METTL15: variants seen among roughly 807,000 people sequenced by gnomAD.
METTL15 encodes 12S rRNA N(4)-cytidine methyltransferase METTL15.
A neutral mutation model predicts 38.3 loss-of-function variants in METTL15; 34 were observed. The ratio of observed to expected loss-of-function variants is 0.89; its 90% CI spans 0.68 to 1.18. METTL15 has a LOEUF of 1.18. Among genes scored for constraint, METTL15 ranks in the 50% most tolerant of loss-of-function variants. METTL15 has a pLI of 0.00. For synonymous variants in METTL15, 162 were observed against 170.9 expected (o/e 0.95, Z 0.41); for missense variants, 438 against 498.4 (o/e 0.88, Z 1.15).
At chr11:28,478,908 A>G (rs1851370429) in intron 6 of METTL15, among the ~76,000 whole-genome samples, 1 of 123,498 alleles carries the variant, frequency 8.1e-6, no homozygotes, top group Non-Finnish European at 2.0e-5. Context: ...GAAGCAGAAA[A>G]CAACATGGCA....
chr11:28,113,304 A>T lies in METTL15; in HGVS notation c.-17-14A>T, dbSNP rs929889058. The T allele has an allele frequency of 1.6e-5, 24 of 1,467,938 alleles. No homozygotes were observed. Among genetic ancestry groups the T allele is most frequent in the African/African-American group, 2.9e-5 (2 of 69,890 alleles). The allele number at this position is 1,467,938 out of a possible 1,614,324, so 90.9% of individuals were successfully genotyped here. A position where few individuals can be genotyped will look rare whatever the true frequency, so the allele number is the denominator to read the frequency against. On this transcript the variant is annotated splice_polypyrimidine_tract_variant and intron_variant, in intron 2 of 6. Transcript: ENST00000407364. ...AAAAAAATCCAACAATCATATTTTAATTTTTTTTTCTAGATTTGTTTACCT... is the reference window on the plus strand; with the variant it reads ...AAAAAAATCCAACAATCATATTTTATTTTTTTTTTCTAGATTTGTTTACCT...
At chr11:28,418,067 T>C (rs1053560602) in intron 5 of METTL15, among the ~76,000 whole-genome samples, 5 of 152,126 alleles carry the variant, frequency 3.3e-5, no homozygotes, top group Non-Finnish European at 7.4e-5. Flanking sequence ...AGTTCTGGTA[T>C]CAAGTTTTCA....
At chr11:28,419,681 G>A (rs1850803615) in intron 5 of METTL15, among the ~76,000 whole-genome samples, 1 of 152,080 alleles carries the variant, frequency 6.6e-6, no homozygotes, top group Non-Finnish European at 1.5e-5. Flanking sequence ...AGGTGTGAGA[G>A]GCCAATCCTG....
chr11:28,124,842 A>G (rs1852405497), intron 3 of METTL15, among the ~76,000 whole-genome samples: 2 of 152,232 alleles, frequency 1.3e-5, no homozygotes, highest in African/African-American at 2.4e-5. Flanking sequence ...TAAATGACCT[A>G]TATAATGGTT....
intron 6 of METTL15, among the ~76,000 whole-genome samples, chr11:28,523,215 G>A (rs902969431): frequency 6.6e-6 from 1 of 152,088 alleles, no homozygotes; most frequent in Non-Finnish European, 1.5e-5. Context: ...TGTGCTCTTG[G>A]GCACATAAGT....
At chr11:28,218,466 G>A (rs368750278) in intron 4 of METTL15, among the ~76,000 whole-genome samples, 11 of 152,202 alleles carry the variant, frequency 7.2e-5, no homozygotes, top group South Asian at 4.1e-4. Flanking sequence ...GGGCTGAGAC[G>A]ATGGGGTTTT....
In METTL15 at chr11:28,476,900, C is replaced by T. The variant is rs1189859635; in HGVS notation, c.*425-49578C>T. The stretch of plus-strand genomic sequence containing the variant: ...TGAGCAGTGAGATAATAGAGAAGGA[C>T]CATAATAGACATGAGTGAGCAAAGT... On this transcript the variant is annotated intron_variant and NMD_transcript_variant, in intron 6 of 7. Transcript: ENST00000532947. Among the ~76,000 whole-genome samples the T allele has an allele frequency of 5.9e-5, 9 of 152,078 alleles. No homozygotes were observed. The South Asian group carries it at 1.9e-3, about 32-fold the overall frequency.
intron 3 of METTL15, among the ~76,000 whole-genome samples, chr11:28,340,461 A>G (rs1299100990): frequency 1.3e-5 from 2 of 152,176 alleles, no homozygotes; most frequent in African/African-American, 4.8e-5. Flanking sequence ...TCTGCAAGGA[A>G]CTTAAACAAA....
At chr11:28,531,594 A>T (rs1228781093), downstream of METTL15, among the ~76,000 whole-genome samples, 2 of 152,074 alleles carry the variant, frequency 1.3e-5, no homozygotes. Context: ...GAAAATAATA[A>T]TGCCTACCTC....
At chr11:28,219,969 C>T (rs1853114098) in intron 4 of METTL15, among the ~76,000 whole-genome samples, 1 of 152,090 alleles carries the variant, frequency 6.6e-6, no homozygotes, top group African/African-American at 2.4e-5. Context: ...CTGATGAGTG[C>T]TTTATTTCCA....
intron 5 of METTL15, among the ~76,000 whole-genome samples, chr11:28,362,410 T>C (rs968064620): frequency 6.6e-6 from 1 of 152,154 alleles, no homozygotes; most frequent in African/African-American, 2.4e-5. Context: ...CACTGAGGCT[T>C]TGGGTCCTAA....
chr11:28,187,767 T>C (rs148786619), intron 3 of METTL15, among the ~76,000 whole-genome samples: 102 of 151,168 alleles, frequency 6.7e-4, no homozygotes, highest in African/African-American at 2.3e-3. Flanking sequence ...AAAATTACAA[T>C]GAACTTTTCA....
chr11:28,311,658 T>A (rs1392498656), intron 6 of METTL15, among the ~76,000 whole-genome samples: 5 of 152,264 alleles, frequency 3.3e-5, no homozygotes, highest in Non-Finnish European at 5.9e-5. Context: ...TGTAAATTTA[T>A]CTTCTCTGAA....
intron 6 of METTL15, among the ~76,000 whole-genome samples, chr11:28,481,521 T>C (rs889352243): frequency 2.6e-5 from 4 of 152,182 alleles, no homozygotes; most frequent in Admixed American, 1.3e-4. Context: ...TCTCCATCTC[T>C]GGGTTTGGTG....
intron 6 of METTL15, among the ~76,000 whole-genome samples, chr11:28,485,132 C>CAT: frequency 6.6e-6 from 1 of 151,846 alleles, no homozygotes; most frequent in Non-Finnish European, 1.5e-5. Context: ...CACACACACA[C>CAT]ACACACACTC....
chr11:28,386,790 A>C (rs1348147246), intron 5 of METTL15, among the ~76,000 whole-genome samples: 1 of 152,010 alleles, frequency 6.6e-6, no homozygotes, highest in Non-Finnish European at 1.5e-5. Context: ...ACATTCTCCA[A>C]AATAGATTCC....
chr11:28,213,524 G>C (rs985284966), intron 4 of METTL15, among the ~76,000 whole-genome samples: 1 of 147,928 alleles, frequency 6.8e-6, no homozygotes, highest in Non-Finnish European at 1.5e-5. Context: ...ATTAAAACTT[G>C]ATTAATAGTT....
chr11:28,289,175 A>AT (rs1276381377), intron 4 of METTL15, among the ~76,000 whole-genome samples: 1 of 152,128 alleles, frequency 6.6e-6, no homozygotes, highest in African/African-American at 2.4e-5. Context: ...CCATCAGATT[A>AT]TTTTGTAAAC....
intron 3 of METTL15, among the ~76,000 whole-genome samples, chr11:28,175,927 G>T (rs1314116866): frequency 1.3e-5 from 2 of 150,868 alleles, no homozygotes; most frequent in East Asian, 1.9e-4. Context: ...ATATATATAT[G>T]TATAGGCATA....
Sources: allele counts gnomAD v4.1 joint callset (sites outside exome capture counted in the v4.1 genomes callset), GRCh38; gene constraint gnomAD v4.1.1; transcripts MANE v1.5; gene names NCBI Gene and HGNC (gene_info 2026-07-23, HGNC 2026-07-21).